Variants in PCSK6 observed in about 807,000 individuals in gnomAD.
PCSK6 encodes proprotein convertase subtilisin/kexin type 6.
Under a neutral mutation model 123.3 loss-of-function variants are expected in PCSK6, and 85 were observed. That is an observed-to-expected ratio of 0.69 (90% CI 0.58 to 0.83). PCSK6 has a LOEUF of 0.83. PCSK6 is among the 40% of genes least tolerant of loss of function. PCSK6 has a pLI of 0.00. For synonymous variants in PCSK6, 508 were observed against 516.0 expected (o/e 0.98, Z 0.21); for missense variants, 1,191 against 1,282.3 (o/e 0.93, Z 1.09).
intron 1 of PCSK6, among the ~76,000 whole-genome samples, chr15:101,484,427 G>T (rs545598886): frequency 6.6e-6 from 1 of 151,670 alleles, no homozygotes; most frequent in Admixed American, 6.6e-5. Flanking sequence ...TCTACTCGTC[G>T]GCCAGACTGG....
chr15:101,430,533 GA>G (rs1441808007), intron 4 of PCSK6, among the ~76,000 whole-genome samples: 5 of 152,186 alleles, frequency 3.3e-5, no homozygotes, highest in African/African-American at 1.2e-4. Flanking sequence ...CGTGGGTCAG[GA>G]TTTCCTTCAT....
At chr15:101,336,140 G>A (rs941691194) in intron 13 of PCSK6, among the ~76,000 whole-genome samples, 1 of 152,250 alleles carries the variant, frequency 6.6e-6, no homozygotes, top group Non-Finnish European at 1.5e-5. Flanking sequence ...GGTGAGCAGA[G>A]CAAGGGCCCT....
At chr15:101,323,638 TAGG>T (rs372475124) in intron 17 of PCSK6, among the ~76,000 whole-genome samples, 185 of 150,028 alleles carry the variant, frequency 1.2e-3, no homozygotes, top group African/African-American at 4.2e-3. Context: ...GAGGCTGTGG[TAGG>T]AGAATTCCTT....
chr15:101,412,691 T>TTATATATATATATA (rs149902723), intron 6 of PCSK6, among the ~76,000 whole-genome samples: 30 of 124,720 alleles, frequency 2.4e-4, no homozygotes, highest in Admixed American at 7.8e-4. Flanking sequence ...AACTGGAAAA[T>TTATATATATATATA]TATATATATA....
chr15:101,334,452 C>T (rs931757193), intron 13 of PCSK6: 3 of 151,118 alleles, frequency 2.0e-5, no homozygotes, highest in African/African-American at 7.3e-5. Flanking sequence ...AAGTTGTTCT[C>T]ACCGCTGCAG....
chr15:101,323,319 T>C (rs2040173890), intron 17 of PCSK6, among the ~76,000 whole-genome samples: 1 of 152,070 alleles, frequency 6.6e-6, no homozygotes, highest in South Asian at 2.1e-4. Context: ...ACTGTGCCCT[T>C]GGGAAGGGGG....
rs527482580 is a variant in PCSK6, at chr15:101,398,223, C to T, written c.996+181G>A. On this transcript the variant is annotated intron_variant, in intron 7 of 21. Coordinates refer to ENST00000611716, the MANE Select transcript of PCSK6 (RefSeq NM_002570.5). The surrounding 1 kb of genome is among the most constrained non-coding windows in gnomAD (Gnocchi z 4.6). ...GAGGCAAAAACACTTCTGCTCTCGC[C>T]GGTCAAGAGCCACTTCTCAGACTCC... Among the ~76,000 whole-genome samples the T allele has an allele frequency of 5.3e-5, 8 of 152,314 alleles. No individual in the cohort carries two copies. The highest frequency in any genetic ancestry group is 1.9e-4 in the African/African-American group (8 of 41,574).
chr15:101,458,057 G>A (rs577693837), intron 1 of PCSK6, among the ~76,000 whole-genome samples: 5 of 152,258 alleles, frequency 3.3e-5, no homozygotes, highest in East Asian at 1.9e-4. Context: ...GTCCAGCCAC[G>A]TTTTAGGTGG....
At chr15:101,405,696 C>T (rs1037890359) in intron 6 of PCSK6, among the ~76,000 whole-genome samples, 1 of 149,910 alleles carries the variant, frequency 6.7e-6, no homozygotes, top group Non-Finnish European at 1.5e-5. Flanking sequence ...AAAAAAAAAA[C>T]AAAGCCACTT....
At chr15:101,382,858 G>C (rs2066938039) in intron 10 of PCSK6, among the ~76,000 whole-genome samples, 1 of 152,152 alleles carries the variant, frequency 6.6e-6, no homozygotes, top group Non-Finnish European at 1.5e-5. Flanking sequence ...ATGTGGGTCA[G>C]CTCTTGTTAC....
chr15:101,447,624 C>T (rs971693464), intron 1 of PCSK6, among the ~76,000 whole-genome samples: 4 of 152,192 alleles, frequency 2.6e-5, no homozygotes, highest in Non-Finnish European at 4.4e-5. Flanking sequence ...AGGAAGGGGG[C>T]GGCCTAAAGA....
chr15:101,472,237 T>C (rs1355779276), intron 1 of PCSK6, among the ~76,000 whole-genome samples: 1 of 152,196 alleles, frequency 6.6e-6, no homozygotes, highest in African/African-American at 2.4e-5. Context: ...CAGCAGGTCG[T>C]CTTCTGCTAT....
intron 1 of PCSK6, among the ~76,000 whole-genome samples, chr15:101,473,464 G>A (rs928763128): frequency 6.6e-6 from 1 of 152,102 alleles, no homozygotes; most frequent in Non-Finnish European, 1.5e-5. Context: ...GTTTTCTAAC[G>A]TTTTCTGATT....
intron 1 of PCSK6, among the ~76,000 whole-genome samples, chr15:101,446,912 T>C (rs1216813634): frequency 1.3e-5 from 2 of 152,116 alleles, no homozygotes; most frequent in Admixed American, 6.5e-5. Flanking sequence ...ACTCATGTGG[T>C]CCTGCCCTCT....
At chr15:101,351,476 G>A (rs1291555623) in intron 13 of PCSK6, among the ~76,000 whole-genome samples, 4 of 152,144 alleles carry the variant, frequency 2.6e-5, no homozygotes, top group African/African-American at 9.7e-5. Context: ...CAATATTTAC[G>A]CTGGAAAGAC....
At chr15:101,447,935 T>C (rs983692531) in intron 1 of PCSK6, among the ~76,000 whole-genome samples, 5 of 152,230 alleles carry the variant, frequency 3.3e-5, no homozygotes, top group African/African-American at 1.2e-4. Context: ...CCCTCGATTA[T>C]AGAAGGGAGG....
chr15:101,345,901 C>T (rs2040718604), intron 13 of PCSK6, among the ~76,000 whole-genome samples: 1 of 152,212 alleles, frequency 6.6e-6, no homozygotes, highest in African/African-American at 2.4e-5. Flanking sequence ...CTCCTGACCT[C>T]AGGTGATCCG....
chr15:101,433,759 C>A (rs374058375), intron 2 of PCSK6, among the ~76,000 whole-genome samples: 1 of 152,242 alleles, frequency 6.6e-6, no homozygotes, highest in Non-Finnish European at 1.5e-5. Context: ...TTCCTCCTCC[C>A]TGAGCCTTGG....
At chr15:101,375,725 C>T (rs2041717286) in intron 11 of PCSK6, among the ~76,000 whole-genome samples, 1 of 152,184 alleles carries the variant, frequency 6.6e-6, no homozygotes, top group African/African-American at 2.4e-5. Flanking sequence ...TGGTGCAGCT[C>T]TCATGCCATA....
Sources: allele counts gnomAD v4.1 joint callset (sites outside exome capture counted in the v4.1 genomes callset), GRCh38; gene constraint gnomAD v4.1.1; non-coding constraint Gnocchi (gnomAD v3.1); transcripts MANE v1.5; gene names NCBI Gene and HGNC (gene_info 2026-07-23, HGNC 2026-07-21).